The following SLAIN1 variants were observed in gnomAD, a reference collection of about 807,000 sequenced individuals.
SLAIN1 encodes SLAIN motif-containing protein 1.
A neutral mutation model predicts 55.4 loss-of-function variants in SLAIN1; 17 were observed. That is an observed-to-expected ratio of 0.31 (90% CI 0.21 to 0.46). The LOEUF is 0.46. SLAIN1 is among the 20% of genes least tolerant of loss of function. The probability of loss-of-function intolerance (pLI) is 1.00; values close to 1 mark genes in which losing one functional copy is unlikely to be tolerated. For synonymous variants in SLAIN1, 348 were observed against 337.4 expected (o/e 1.03, Z -0.35); for missense variants, 682 against 785.1 (o/e 0.87, Z 1.57).
At chr13:77,725,976 C>G (rs2091303777) in intron 2 of SLAIN1, among the ~76,000 whole-genome samples, 1 of 152,190 alleles carries the variant, frequency 6.6e-6, no homozygotes, top group African/African-American at 2.4e-5. Context: ...AGGCCTATTT[C>G]TCTTCTTGCT....
At chr13:77,737,339 C>G (rs1170528130) in intron 2 of SLAIN1, among the ~76,000 whole-genome samples, 1 of 152,046 alleles carries the variant, frequency 6.6e-6, no homozygotes, top group African/African-American at 2.4e-5. Context: ...CTTAACTGGT[C>G]TCCCAGACAT....
At chr13:77,727,967 G>A (rs2154409920) in intron 2 of SLAIN1, among the ~76,000 whole-genome samples, 1 of 152,286 alleles carries the variant, frequency 6.6e-6, no homozygotes, top group South Asian at 2.1e-4. Flanking sequence ...AACTAAGTGT[G>A]TTTTTGGCAG....
intron 1 of SLAIN1, among the ~76,000 whole-genome samples, chr13:77,711,163 T>G (rs981092981): frequency 1.3e-5 from 2 of 151,538 alleles, no homozygotes; most frequent in South Asian, 4.2e-4. Flanking sequence ...ATATCACAAT[T>G]AACAGAACTA....
At chr13:77,746,961 C>G (rs893754133) in intron 4 of SLAIN1, 106 bp downstream of exon 4, 80 of 1,038,094 alleles carry the variant, frequency 7.7e-5, no homozygotes, top group Non-Finnish European at 1.0e-4. Flanking sequence ...GAATCTGTCT[C>G]TGTCTCCTAG....
chr13:77,699,113 A>G, intron 1 of SLAIN1: 1 of 1,468,126 alleles, frequency 6.8e-7, no homozygotes, highest in East Asian at 2.5e-5. Context: ...TTGCATTTTC[A>G]TTGAAATCTT....
chr13:77,715,672 T>C (rs1261331611), intron 1 of SLAIN1, among the ~76,000 whole-genome samples: 1 of 152,172 alleles, frequency 6.6e-6, no homozygotes, highest in Non-Finnish European at 1.5e-5. Context: ...TTTAGCTATT[T>C]TTCTAATGAT....
At chr13:77,712,389 A>T (rs562302485) in intron 1 of SLAIN1, among the ~76,000 whole-genome samples, 1 of 152,236 alleles carries the variant, frequency 6.6e-6, no homozygotes, top group African/African-American at 2.4e-5. Flanking sequence ...TACAAAATCA[A>T]TGTGCAAAAA....
At chr13:77,721,515 A>G (rs184776179) in intron 2 of SLAIN1, among the ~76,000 whole-genome samples, 2 of 152,148 alleles carry the variant, frequency 1.3e-5, no homozygotes, top group Non-Finnish European at 1.5e-5. Flanking sequence ...ACATTTTAAC[A>G]TACAAATTTG....
chr13:77,741,009 G>T (rs754089687), intron 2 of SLAIN1, among the ~76,000 whole-genome samples: 2 of 152,054 alleles, frequency 1.3e-5, no homozygotes, highest in African/African-American at 2.4e-5. Context: ...CGCTAATTGT[G>T]TTCCTAGTTG....
At chr13:77,738,994 C>G (rs139415511) in intron 2 of SLAIN1, among the ~76,000 whole-genome samples, 1 of 151,948 alleles carries the variant, frequency 6.6e-6, no homozygotes, top group African/African-American at 2.4e-5. Flanking sequence ...TTTAACTGTG[C>G]GATGCAGTGC....
rs553789634 is a variant in SLAIN1 at position 77,726,320 on chromosome 13, GATATA to G, written c.766+6653_766+6657del. On this transcript the variant is annotated intron_variant, in intron 2 of 6. Coordinates refer to ENST00000418532, the MANE Select transcript of SLAIN1 (RefSeq NM_001242868.2). Reference sequence around the variant, plus strand: ...GCAAATGGTTAAATATTTTTTAAAAGATATAATAAGATAGTTATTTTTAGTGCATA... The same window carrying G: ...GCAAATGGTTAAATATTTTTTAAAAGATAAGATAGTTATTTTTAGTGCATA... Among the ~76,000 whole-genome samples, 23 of 152,232 alleles carry G rather than the reference GATATA, an allele frequency of 1.5e-4. No homozygotes were observed. In the East Asian group the frequency reaches 4.2e-3, roughly 28 times the overall value.
intron 1 of SLAIN1, among the ~76,000 whole-genome samples, chr13:77,708,730 G>A (rs907983440): frequency 2.0e-5 from 3 of 152,078 alleles, no homozygotes; most frequent in Non-Finnish European, 4.4e-5. Flanking sequence ...CAATAAAAAG[G>A]ACGTCCACAC....
At chr13:77,732,075 T>C (rs954125467) in intron 2 of SLAIN1, among the ~76,000 whole-genome samples, 5 of 152,132 alleles carry the variant, frequency 3.3e-5, no homozygotes, top group African/African-American at 1.2e-4. Context: ...AATTTGTATA[T>C]TTACTTTCTA....
chr13:77,705,459 A>C (rs1451675293), intron 1 of SLAIN1, among the ~76,000 whole-genome samples: 1 of 151,952 alleles, frequency 6.6e-6, no homozygotes, highest in Non-Finnish European at 1.5e-5. Context: ...CTCTTGCCAG[A>C]ATCCAATATA....
intron 1 of SLAIN1, among the ~76,000 whole-genome samples, chr13:77,715,271 A>G (rs1258956090): frequency 6.6e-6 from 1 of 152,208 alleles, no homozygotes; most frequent in East Asian, 1.9e-4. Flanking sequence ...TACATGAATC[A>G]GTAGTTCATT....
chr13:77,753,399 G>A, intron 5 of SLAIN1, 41 bp downstream of exon 5: 4 of 1,045,232 alleles, frequency 3.8e-6, no homozygotes, highest in Non-Finnish European at 5.0e-6. Flanking sequence ...TTGTATAATT[G>A]TATAATTTTT....
At position 77,738,830 on chromosome 13, in the gene SLAIN1, C is replaced by T. The variant is rs373663471; in HGVS notation, c.767-5453C>T. 5.3e-5 allele frequency among the ~76,000 whole-genome samples: 8 copies of T among 152,028 alleles called. No individual in the cohort carries two copies. The South Asian group carries it at 1.0e-3, about 20-fold the overall frequency. On this transcript the variant is annotated intron_variant, in intron 2 of 6. Coordinates refer to ENST00000418532, the MANE Select transcript of SLAIN1 (RefSeq NM_001242868.2). The stretch of plus-strand genomic sequence containing the variant: ...AGATGCCGTGTACAGTAGAATGTAT[C>T]GAAATGCTACCAAACGGCCCAAACA...
intron 4 of SLAIN1, among the ~76,000 whole-genome samples, chr13:77,747,772 T>C (rs967386064): frequency 1.4e-4 from 21 of 152,136 alleles, no homozygotes; most frequent in Non-Finnish European, 1.5e-4. Flanking sequence ...AATTGATCTG[T>C]CTTGTCAACA....
At chr13:77,715,221 C>T (rs545601049) in intron 1 of SLAIN1, among the ~76,000 whole-genome samples, 2 of 152,192 alleles carry the variant, frequency 1.3e-5, no homozygotes, top group South Asian at 4.2e-4. Flanking sequence ...TTTGGTCTGG[C>T]TTCTTTCAAG....
Sources: gnomAD v4.1 joint callset for allele counts (sites outside exome capture counted in the v4.1 genomes callset) on GRCh38, gnomAD v4.1.1 for gene constraint, MANE v1.5 for transcripts, NCBI Gene and HGNC (gene_info 2026-07-23, HGNC 2026-07-21) for gene names.